Variants in WWTR1 observed in about 807,000 individuals in gnomAD.
WWTR1 encodes WW domain-containing transcription regulator protein 1.
Under a neutral mutation model 40.1 loss-of-function variants are expected in WWTR1, and 13 were observed. The ratio of observed to expected loss-of-function variants is 0.32; its 90% CI spans 0.21 to 0.52. WWTR1 has a LOEUF of 0.52. Ranked by LOEUF, WWTR1 falls within the 20% of genes least tolerant of loss-of-function variation. The pLI is 0.97. For missense variants in WWTR1, 436 were observed against 523.1 expected (o/e 0.83, Z 1.63); for synonymous variants, 230 against 210.1 (o/e 1.09, Z -0.82).
intron 3 of WWTR1, among the ~76,000 whole-genome samples, chr3:149,545,328 A>G (rs193010636): frequency 3.3e-5 from 5 of 152,304 alleles, no homozygotes; most frequent in Admixed American, 6.5e-5. Flanking sequence ...CAGATGGAAG[A>G]ATGATAATTA....
intron 3 of WWTR1, among the ~76,000 whole-genome samples, chr3:149,544,977 C>T (rs747123121): frequency 3.9e-5 from 6 of 152,176 alleles, no homozygotes; most frequent in Non-Finnish European, 8.8e-5. Context: ...CAAGGACTCT[C>T]ACCTCCTGGC....
At chr3:149,597,509 G>GCAGCGCACACCTGAAGTCC (rs1739054275) in intron 2 of WWTR1, among the ~76,000 whole-genome samples, 1 of 152,136 alleles carries the variant, frequency 6.6e-6, no homozygotes, top group Non-Finnish European at 1.5e-5. Flanking sequence ...TCTAGGCGTG[G>GCAGCGCACACCTGAAGTCC]CAGCGCACAC....
chr3:149,520,798 G>T lies in WWTR1; in HGVS notation c.*7C>A, dbSNP rs1215986998. On this transcript the variant is annotated 3_prime_UTR_variant, in exon 7 of 7. Coordinates refer to ENST00000360632, the MANE Select transcript of WWTR1 (RefSeq NM_015472.6). ...TCATGGCTACATCCAAGTTACAATGGTAGTGATTACAGCCAGGTTAGAAAG... is the reference window on the plus strand; with the variant it reads ...TCATGGCTACATCCAAGTTACAATGTTAGTGATTACAGCCAGGTTAGAAAG... The T allele has an allele frequency of 6.4e-7, 1 of 1,567,130 alleles. No homozygotes were observed. The highest frequency in any genetic ancestry group is 1.4e-5 in the African/African-American group (1 of 71,430).
intron 1 of WWTR1, among the ~76,000 whole-genome samples, chr3:149,683,741 C>G (rs1006246139): frequency 6.6e-6 from 1 of 151,852 alleles, no homozygotes; most frequent in Non-Finnish European, 1.5e-5. Context: ...AGACAAGAGC[C>G]AGGGGTCTGG....
intron 3 of WWTR1, 42 bp from the exon 4 acceptor site, chr3:149,542,579 C>A: frequency 6.5e-7 from 1 of 1,543,858 alleles, no homozygotes; most frequent in Non-Finnish European, 8.8e-7. Flanking sequence ...CCAGGGCCCA[C>A]AATACCTTAT....
intron 3 of WWTR1, among the ~76,000 whole-genome samples, chr3:149,560,979 T>G (rs181273998): frequency 4.7e-5 from 7 of 149,452 alleles, no homozygotes; most frequent in Non-Finnish European, 8.9e-5. Context: ...AAAAATCCCC[T>G]GCTCCAGGAT....
At chr3:149,598,728 C>T (rs1207903358) in intron 2 of WWTR1, among the ~76,000 whole-genome samples, 10 of 151,948 alleles carry the variant, frequency 6.6e-5, no homozygotes, top group African/African-American at 2.4e-4. Context: ...ATTTAATTAA[C>T]AATTCCTTAC....
intron 2 of WWTR1, among the ~76,000 whole-genome samples, chr3:149,591,802 C>G (rs1016616775): frequency 6.6e-6 from 1 of 152,068 alleles, no homozygotes; most frequent in African/African-American, 2.4e-5. Flanking sequence ...TGTTTAAATA[C>G]TCAGACCCGT....
chr3:149,572,370 A>G (rs1424007094), intron 3 of WWTR1, among the ~76,000 whole-genome samples: 1 of 152,184 alleles, frequency 6.6e-6, no homozygotes, highest in Non-Finnish European at 1.5e-5. Flanking sequence ...CCAGGAGCCA[A>G]AGTCACCCAA....
At chr3:149,686,757 T>C (rs76477503) in intron 1 of WWTR1, among the ~76,000 whole-genome samples, 2,101 of 152,240 alleles carry the variant, frequency 0.014, 31 homozygotes, top group East Asian at 0.063. Context: ...AAGCAGGCAC[T>C]AAAAAGAGGC....
intron 2 of WWTR1, among the ~76,000 whole-genome samples, chr3:149,632,062 C>G (rs913285993): frequency 6.6e-6 from 1 of 152,098 alleles, no homozygotes; most frequent in Non-Finnish European, 1.5e-5. Context: ...AGGCGCCCAC[C>G]ACTATCCACA....
chr3:149,591,076 A>G (rs917144696), intron 2 of WWTR1, among the ~76,000 whole-genome samples: 6 of 152,180 alleles, frequency 3.9e-5, no homozygotes, highest in African/African-American at 1.4e-4. Context: ...ACAATAAAAC[A>G]AATTAGGTCC....
At chr3:149,684,017 T>C (rs564046140) in intron 1 of WWTR1, among the ~76,000 whole-genome samples, 6 of 152,308 alleles carry the variant, frequency 3.9e-5, no homozygotes, top group Non-Finnish European at 8.8e-5. Context: ...ATAGCAAAAG[T>C]TGAAAACACT....
rs535658906 is a variant in WWTR1, at chr3:149,682,880, A to G, written c.-107-12989T>C. 2.0e-5 allele frequency among the ~76,000 whole-genome samples: 3 copies of G among 152,164 alleles called. No homozygotes were observed. In the East Asian group the frequency reaches 5.8e-4, roughly 29 times the overall value. On this transcript the variant is annotated intron_variant, in intron 1 of 7. Coordinates refer to the WWTR1 transcript ENST00000465804. Reference sequence around the variant, plus strand: ...GCAGAAACCGCCATGGAAAGCTGTAAGAAGCCACCTTCAGTCTTCCCAACT... The same window carrying G: ...GCAGAAACCGCCATGGAAAGCTGTAGGAAGCCACCTTCAGTCTTCCCAACT...
intron 3 of WWTR1, among the ~76,000 whole-genome samples, chr3:149,553,694 T>A (rs750039518): frequency 3.3e-5 from 5 of 152,132 alleles, no homozygotes; most frequent in Non-Finnish European, 7.3e-5. Flanking sequence ...CAGGTGTAAA[T>A]CGTTTCTGAC....
upstream of WWTR1, among the ~76,000 whole-genome samples, chr3:149,703,885 G>T (rs2108226066): frequency 6.6e-6 from 1 of 152,324 alleles, no homozygotes; most frequent in Admixed American, 6.5e-5. Context: ...GCTGGCGCAT[G>T]CTTCTCATCC....
At position 149,566,744 on chromosome 3, in the gene WWTR1, C is replaced by G. The variant is rs557533258; in HGVS notation, c.568+6120G>C. ...TTTGTATACTTCCTAGAGAGAACAG[C>G]AAGCCAACTTAGCAAACTGAGCACA... On this transcript the variant is annotated intron_variant, in intron 3 of 6. Transcript: ENST00000360632. 2.1e-3 allele frequency among the ~76,000 whole-genome samples: 320 copies of G among 150,532 alleles called. 2 individuals are homozygous for G. Among genetic ancestry groups the G allele is most frequent in the South Asian group, 0.02 (97 of 4,772 alleles).
At chr3:149,538,867 C>A (rs550331492) in intron 4 of WWTR1, among the ~76,000 whole-genome samples, 7 of 152,158 alleles carry the variant, frequency 4.6e-5, no homozygotes, top group Non-Finnish European at 8.8e-5. Flanking sequence ...TCCTTTTCTG[C>A]AAAAATACAA....
In WWTR1 at chr3:149,533,625, C is replaced by A. The variant is rs78598836; in HGVS notation, c.772-5656G>T. ...TTAAGTTGGGGTCCAGAGCTTGGCA[C>A]CGAAAAGGCAGCATGGCACAAGAGC... On this transcript the variant is annotated intron_variant, in intron 4 of 6. Coordinates refer to ENST00000360632, the MANE Select transcript of WWTR1 (RefSeq NM_015472.6). Among the ~76,000 whole-genome samples, 6 of 152,154 alleles carry A rather than the reference C, an allele frequency of 3.9e-5. No individual in the cohort carries two copies. The East Asian group carries it at 1.2e-3, about 29-fold the overall frequency.
Sources: allele counts gnomAD v4.1 joint callset (sites outside exome capture counted in the v4.1 genomes callset), GRCh38; gene constraint gnomAD v4.1.1; transcripts MANE v1.5; gene names NCBI Gene and HGNC (gene_info 2026-07-23, HGNC 2026-07-21).